ADAMTSL1: variants seen among roughly 807,000 people sequenced by gnomAD.
ADAMTSL1 encodes the protein ADAMTS like 1, also known as ADAMTS-like protein 1.
A neutral mutation model predicts 201.8 loss-of-function variants in ADAMTSL1; 126 were observed. That is an observed-to-expected ratio of 0.62 (90% CI 0.54 to 0.72). ADAMTSL1 has a LOEUF of 0.72. Ranked by LOEUF, ADAMTSL1 falls within the 30% of genes least tolerant of loss-of-function variation. The probability of loss-of-function intolerance (pLI) is 0.00; values close to 1 mark genes in which losing one functional copy is unlikely to be tolerated. For missense variants in ADAMTSL1, 2,679 were observed against 2,277.8 expected (o/e 1.18, Z -3.59); for synonymous variants, 1,121 against 903.4 (o/e 1.24, Z -4.32).
intron 2 of ADAMTSL1, among the ~76,000 whole-genome samples, chr9:18,178,040 G>C (rs985487091): frequency 6.6e-6 from 1 of 152,206 alleles, no homozygotes; most frequent in African/African-American, 2.4e-5. Flanking sequence ...GGCCGAATAG[G>C]AACAGCTCCA....
At position 18,507,455 on chromosome 9, in the gene ADAMTSL1, T is replaced by G. The variant is rs973823604; in HGVS notation, c.191+2499T>G. ...TTATAATAATACCAAATAAGTATGT[T>G]AACCCATTGAATGTTCCTGGATGCT... On this transcript the variant is annotated intron_variant, in intron 2 of 28. Coordinates refer to ENST00000380548, the MANE Select transcript of ADAMTSL1 (RefSeq NM_001040272.6). 2.6e-5 allele frequency among the ~76,000 whole-genome samples: 4 copies of G among 152,228 alleles called. No individual in the cohort carries two copies. The East Asian group carries it at 5.8e-4, about 22-fold the overall frequency.
intron 1 of ADAMTSL1, among the ~76,000 whole-genome samples, chr9:17,922,922 G>T (rs1261788740): frequency 6.6e-6 from 1 of 152,138 alleles, no homozygotes; most frequent in East Asian, 1.9e-4. Flanking sequence ...CATAGGGGAA[G>T]GAAAGCCCCA....
chr9:18,195,486 G>A (rs1008854244), intron 2 of ADAMTSL1, among the ~76,000 whole-genome samples: 1 of 152,108 alleles, frequency 6.6e-6, no homozygotes, highest in Non-Finnish European at 1.5e-5. Context: ...TAAGCAGCAG[G>A]ACTGGGAACA....
At chr9:18,877,899 G>A (rs1426568180) in intron 23 of ADAMTSL1, among the ~76,000 whole-genome samples, 1 of 152,188 alleles carries the variant, frequency 6.6e-6, no homozygotes, top group African/African-American at 2.4e-5. Context: ...TCAGGTGGGT[G>A]CAGGGTTAGG....
intron 2 of ADAMTSL1, among the ~76,000 whole-genome samples, chr9:18,413,909 A>G (rs1401882251): frequency 6.6e-6 from 1 of 152,226 alleles, no homozygotes; most frequent in African/African-American, 2.4e-5. Context: ...CTGTTTTTCA[A>G]ATACTCAGAA....
intron 4 of ADAMTSL1, among the ~76,000 whole-genome samples, chr9:18,613,948 A>G (rs1355062156): frequency 6.6e-6 from 1 of 152,222 alleles, no homozygotes; most frequent in Non-Finnish European, 1.5e-5. Context: ...TGATCAAAGT[A>G]GATCTTATTG....
chr9:18,743,127 C>T (rs1388210483), intron 15 of ADAMTSL1, among the ~76,000 whole-genome samples: 1 of 152,082 alleles, frequency 6.6e-6, no homozygotes, highest in East Asian at 1.9e-4. Flanking sequence ...ACTCAGAAGA[C>T]AGGGTGATCA....
At chr9:18,775,619 C>A in intron 17 of ADAMTSL1, 124 bp from the exon 18 acceptor site, 1 of 1,252,716 alleles carries the variant, frequency 8.0e-7, no homozygotes, top group South Asian at 1.3e-5. Flanking sequence ...ATTAGTATTT[C>A]TATCACAGTG....
chr9:18,897,018 C>T (rs1829683434), intron 26 of ADAMTSL1, among the ~76,000 whole-genome samples: 1 of 152,224 alleles, frequency 6.6e-6, no homozygotes, highest in Non-Finnish European at 1.5e-5. Context: ...GCCACCATTT[C>T]TGTGCTTAGG....
At chr9:17,931,711 T>C (rs1826798261) in intron 1 of ADAMTSL1, among the ~76,000 whole-genome samples, 1 of 152,144 alleles carries the variant, frequency 6.6e-6, no homozygotes, top group African/African-American at 2.4e-5. Flanking sequence ...CAGAAAGTTG[T>C]GGCAGCTGTG....
chr9:18,504,582 T>C (rs1645528190), intron 1 of ADAMTSL1, among the ~76,000 whole-genome samples: 1 of 152,232 alleles, frequency 6.6e-6, no homozygotes, highest in South Asian at 2.1e-4. Flanking sequence ...GGCTTCCTTT[T>C]CCATTTGTTC....
intron 13 of ADAMTSL1, among the ~76,000 whole-genome samples, chr9:18,701,644 C>T (rs1027681385): frequency 1.3e-5 from 2 of 152,192 alleles, no homozygotes; most frequent in African/African-American, 4.8e-5. Context: ...AAATCCACAA[C>T]CTCTATTGGC....
At chr9:18,621,592 A>ACACG (rs1489631501) in intron 4 of ADAMTSL1, among the ~76,000 whole-genome samples, 1 of 131,374 alleles carries the variant, frequency 7.6e-6, no homozygotes, top group Non-Finnish European at 1.7e-5. Flanking sequence ...ACACACACAC[A>ACACG]CACACACAGT....
At chr9:18,603,738 C>A (rs1326165965) in intron 4 of ADAMTSL1, among the ~76,000 whole-genome samples, 1 of 152,076 alleles carries the variant, frequency 6.6e-6, no homozygotes, top group Non-Finnish European at 1.5e-5. Context: ...ACCATTTGAA[C>A]CCTTTTAAGT....
intron 23 of ADAMTSL1, among the ~76,000 whole-genome samples, chr9:18,882,260 G>C (rs535771444): frequency 6.6e-6 from 1 of 152,066 alleles, no homozygotes; most frequent in Non-Finnish European, 1.5e-5. Flanking sequence ...CATATTTACC[G>C]ACTAAAATCT....
chr9:18,595,180 A>C (rs1824185194), intron 4 of ADAMTSL1, among the ~76,000 whole-genome samples: 1 of 152,190 alleles, frequency 6.6e-6, no homozygotes, highest in South Asian at 2.1e-4. Flanking sequence ...GCAGAAGACT[A>C]TCCTTTTGGC....
chr9:18,825,701 C>G (rs944335061), intron 21 of ADAMTSL1, among the ~76,000 whole-genome samples: 2 of 151,676 alleles, frequency 1.3e-5, no homozygotes. Context: ...AGCCACTTGT[C>G]CCATTTCTCA....
chr9:18,444,144 TGTG>T, intron 2 of ADAMTSL1, among the ~76,000 whole-genome samples: 1 of 152,338 alleles, frequency 6.6e-6, no homozygotes, highest in Admixed American at 6.5e-5. Flanking sequence ...GTCTAGCATG[TGTG>T]ACGATGGCTT....
At chr9:18,074,306 G>C (rs1823097403) in intron 1 of ADAMTSL1, among the ~76,000 whole-genome samples, 4 of 152,138 alleles carry the variant, frequency 2.6e-5, no homozygotes, top group Admixed American at 2.6e-4. Flanking sequence ...CCAGATGTCT[G>C]TATGCTGCCA....
Sources: gnomAD v4.1 joint callset for allele counts (sites outside exome capture counted in the v4.1 genomes callset) on GRCh38, gnomAD v4.1.1 for gene constraint, MANE v1.5 for transcripts, NCBI Gene and HGNC (gene_info 2026-07-23, HGNC 2026-07-21) for gene names.